PXDNL: variants seen among roughly 807,000 people sequenced by gnomAD.
PXDNL encodes the protein peroxidasin like.
In PXDNL, 145 loss-of-function variants were observed where a neutral mutation model predicts 150.8. The observed-to-expected ratio is 0.96, with a 90% CI of 0.84 to 1.10. The LOEUF (loss-of-function observed/expected upper bound fraction) is 1.10. Ranked by LOEUF, PXDNL falls within the 50% of genes least tolerant of loss-of-function variation. PXDNL has a pLI of 0.00. For missense variants in PXDNL, 2,087 were observed against 1,873.9 expected, an observed-to-expected ratio of 1.11 and a Z score of -2.10; for synonymous variants, 757 against 725.7, an observed-to-expected ratio of 1.04 and a Z score of -0.69.
At chr8:51,466,779 C>G (rs964093006) in intron 8 of PXDNL, among the ~76,000 whole-genome samples, 1 of 151,988 alleles carries the variant, frequency 6.6e-6, no homozygotes, top group Non-Finnish European at 1.5e-5. Flanking sequence ...AGGCAGCCAA[C>G]AAACTTATGA....
chr8:51,640,978 A>G (rs1397208296), intron 2 of PXDNL, among the ~76,000 whole-genome samples: 1 of 152,202 alleles, frequency 6.6e-6, no homozygotes, highest in Non-Finnish European at 1.5e-5. Context: ...CAGTAACCCA[A>G]ACAGCATGGT....
rs75424113 is a variant in PXDNL at position 51,406,018 on chromosome 8, G to A, written c.3557+2049C>T. Among the ~76,000 whole-genome samples, 309 of 152,320 alleles carry A rather than the reference G, an allele frequency of 2.0e-3. 6 individuals carry two copies. The highest frequency in any genetic ancestry group is 4.4e-4 in the Non-Finnish European group (30 of 68,024). On this transcript the variant is annotated intron_variant, in intron 17 of 22. Coordinates refer to ENST00000356297, the MANE Select transcript of PXDNL (RefSeq NM_144651.5). The stretch of plus-strand genomic sequence containing the variant: ...AATGAAGTCTCCCCAGCTGCTGTCC[G>A]TCTGAAAGGCCACTCATACTTCACA...
At chr8:51,740,874 G>A (rs2036900609) in intron 1 of PXDNL, among the ~76,000 whole-genome samples, 2 of 152,156 alleles carry the variant, frequency 1.3e-5, no homozygotes, top group African/African-American at 4.8e-5. Context: ...GTATTTTACT[G>A]AAGATTTTCA....
intron 1 of PXDNL, among the ~76,000 whole-genome samples, chr8:51,696,305 C>T (rs1012428804): frequency 5.9e-5 from 9 of 152,110 alleles, no homozygotes; most frequent in Non-Finnish European, 1.0e-4. Context: ...GAACTATTGC[C>T]GTTATAAGAA....
At chr8:51,801,802 G>A (rs1279876330) in intron 1 of PXDNL, among the ~76,000 whole-genome samples, 2 of 152,186 alleles carry the variant, frequency 1.3e-5, no homozygotes, top group East Asian at 3.8e-4. Context: ...ATAAGCTGAG[G>A]TCATTCTATT....
intron 3 of PXDNL, among the ~76,000 whole-genome samples, chr8:51,561,541 A>T (rs951371488): frequency 4.0e-5 from 6 of 151,816 alleles, no homozygotes; most frequent in African/African-American, 4.8e-5. Flanking sequence ...ATTTTTTTTT[A>T]AAAAAACGAA....
intron 21 of PXDNL, 105 bp from the exon 22 acceptor site, chr8:51,321,002 C>T (rs1805298919): frequency 7.3e-6 from 6 of 822,244 alleles, no homozygotes; most frequent in Admixed American, 2.3e-5. Context: ...AAGCACACAC[C>T]TAGAAGGCAA....
chr8:51,474,956 A>G lies in PXDNL; in HGVS notation c.694+16T>C. 6.4e-7 allele frequency: 1 copy of G among 1,567,948 alleles called. No individual in the cohort carries two copies. Among genetic ancestry groups the G allele is most frequent in the Non-Finnish European group, 8.7e-7 (1 of 1,154,796 alleles). ...AGAGACAGTTCTATCTTATGTACAC[A>G]TTGAAATTTACGTACGGCAATTGAA... On this transcript the variant is annotated intron_variant, in intron 7 of 22. Transcript: ENST00000356297.
At chr8:51,797,445 CT>C (rs2037572910) in intron 1 of PXDNL, among the ~76,000 whole-genome samples, 1 of 152,182 alleles carries the variant, frequency 6.6e-6, no homozygotes, top group African/African-American at 2.4e-5. Flanking sequence ...AGCCTGAAAG[CT>C]TATTAAGCTG....
At chr8:51,803,720 G>C (rs1310685745) in intron 1 of PXDNL, among the ~76,000 whole-genome samples, 1 of 152,140 alleles carries the variant, frequency 6.6e-6, no homozygotes, top group Non-Finnish European at 1.5e-5. Context: ...CCTGGCTTTT[G>C]TTCTTCTTTG....
chr8:51,369,599 T>C (rs1586042068), intron 19 of PXDNL, among the ~76,000 whole-genome samples: 1 of 152,222 alleles, frequency 6.6e-6, no homozygotes, highest in Admixed American at 6.5e-5. Flanking sequence ...GGCATATTCA[T>C]ATCTTTAGGT....
At chr8:51,342,091 G>T (rs755929705) in intron 20 of PXDNL, among the ~76,000 whole-genome samples, 1 of 152,050 alleles carries the variant, frequency 6.6e-6, no homozygotes, top group Non-Finnish European at 1.5e-5. Flanking sequence ...ATACTGTATT[G>T]TACACTGACA....
chr8:51,322,143 T>C (rs1805340274), intron 21 of PXDNL, among the ~76,000 whole-genome samples: 1 of 152,170 alleles, frequency 6.6e-6, no homozygotes, highest in African/African-American at 2.4e-5. Context: ...GCTGACACTT[T>C]GATCGTGGAC....
intron 16 of PXDNL, among the ~76,000 whole-genome samples, chr8:51,410,085 C>T (rs1808583994): frequency 6.6e-6 from 1 of 152,152 alleles, no homozygotes; most frequent in Admixed American, 6.5e-5. Context: ...AAGTTTTGTG[C>T]TTCTAGAGAA....
intron 12 of PXDNL, among the ~76,000 whole-genome samples, chr8:51,445,954 C>CT (rs1809661923): frequency 6.6e-6 from 1 of 151,624 alleles, no homozygotes; most frequent in African/African-American, 2.4e-5. Context: ...CCCTACAATC[C>CT]TTTTTCCCCC....
At chr8:51,375,601 T>C (rs904339693) in intron 17 of PXDNL, among the ~76,000 whole-genome samples, 4 of 152,246 alleles carry the variant, frequency 2.6e-5, no homozygotes, top group Non-Finnish European at 5.9e-5. Context: ...TGTGGTTGCA[T>C]ATATTTGTAC....
chr8:51,781,371 G>T (rs1264872232), intron 1 of PXDNL, among the ~76,000 whole-genome samples: 1 of 152,070 alleles, frequency 6.6e-6, no homozygotes, highest in African/African-American at 2.4e-5. Flanking sequence ...AAGTGTTAAA[G>T]AATGAGTAAA....
rs1809698730 is a variant in PXDNL at position 51,447,297 on chromosome 8, C to T, written c.1367-135G>A. 21 of 799,332 alleles carry T rather than the reference C, an allele frequency of 2.6e-5. No homozygotes were observed. In the South Asian group the frequency reaches 5.1e-4, roughly 19 times the overall value. The allele number at this position is 799,332 out of a possible 1,614,324, so 49.5% of individuals were successfully genotyped here. A position where few individuals can be genotyped will look rare whatever the true frequency, so the allele number is the denominator to read the frequency against. On this transcript the variant is annotated intron_variant, in intron 11 of 22. Transcript: ENST00000356297. ...GCTAGGGTGTACTGTGTGCGTTGTG[C>T]CCTAGGATTGCAACCCCAGAAACAC...
At chr8:51,326,080 A>G (rs1805475169) in intron 21 of PXDNL, among the ~76,000 whole-genome samples, 1 of 152,196 alleles carries the variant, frequency 6.6e-6, no homozygotes, top group Non-Finnish European at 1.5e-5. Flanking sequence ...TACCCAGGAA[A>G]GAGCATCACA....
Sources: gnomAD v4.1 joint callset for allele counts (sites outside exome capture counted in the v4.1 genomes callset) on GRCh38, gnomAD v4.1.1 for gene constraint, MANE v1.5 for transcripts, NCBI Gene and HGNC (gene_info 2026-07-23, HGNC 2026-07-21) for gene names.